The following CMTM8 variants were observed in gnomAD, a reference collection of about 807,000 sequenced individuals.
CMTM8 encodes CKLF-like MARVEL transmembrane domain-containing protein 8.
A neutral mutation model predicts 18.6 loss-of-function variants in CMTM8; 12 were observed. The observed-to-expected ratio is 0.65, with a 90% CI of 0.41 to 1.05. CMTM8 has a LOEUF of 1.05. CMTM8 is among the 50% of genes least tolerant of loss of function. CMTM8 has a pLI of 0.00. For synonymous variants in CMTM8, 87 were observed against 90.6 expected (o/e 0.96, Z 0.23); for missense variants, 217 against 227.2 (o/e 0.95, Z 0.29).
intron 1 of CMTM8, 34 bp from the exon 2 acceptor site, chr3:32,357,339 C>T (rs971906341): frequency 1.3e-6 from 2 of 1,548,764 alleles, no homozygotes; most frequent in Admixed American, 1.7e-5. Flanking sequence ...TTCTACTGTC[C>T]CCTCCTCTCT....
chr3:32,288,779 C>T (rs908254863), intron 1 of CMTM8, among the ~76,000 whole-genome samples: 3 of 152,206 alleles, frequency 2.0e-5, no homozygotes, highest in African/African-American at 4.8e-5. Context: ...GGATTACAGG[C>T]GTGAGCCACT....
At chr3:32,348,603 A>G (rs773336266) in intron 1 of CMTM8, among the ~76,000 whole-genome samples, 7 of 139,646 alleles carry the variant, frequency 5.0e-5, no homozygotes, top group Middle Eastern at 4.2e-3. Context: ...GGCTCAAGCA[A>G]TCCTCCTACC....
intron 2 of CMTM8, among the ~76,000 whole-genome samples, chr3:32,367,076 G>A (rs1697053237): frequency 6.6e-6 from 1 of 152,120 alleles, no homozygotes; most frequent in African/African-American, 2.4e-5. Flanking sequence ...CTGAGGGAAA[G>A]ATGTTAGACC....
chr3:32,343,084 A>G (rs1265923010), intron 1 of CMTM8, among the ~76,000 whole-genome samples: 1 of 152,198 alleles, frequency 6.6e-6, no homozygotes, highest in African/African-American at 2.4e-5. Flanking sequence ...GAAGGAAGGA[A>G]CAGGGAATCA....
intron 1 of CMTM8, among the ~76,000 whole-genome samples, chr3:32,243,093 A>G (rs1272341104): frequency 1.3e-5 from 2 of 150,738 alleles, no homozygotes; most frequent in Non-Finnish European, 3.0e-5. Context: ...GGGTTTCGCC[A>G]TGTTGGCTGG....
At chr3:32,306,389 A>G (rs551264990) in intron 1 of CMTM8, among the ~76,000 whole-genome samples, 4 of 152,346 alleles carry the variant, frequency 2.6e-5, no homozygotes, top group African/African-American at 9.6e-5. Context: ...TCTGGATTCA[A>G]AGTGTGGGGA....
rs1695620492 is a variant in CMTM8 at position 32,370,183 on chromosome 3, G to GTATTAATAGATCA, written c.*223_*224insAGATCATATTAAT. On this transcript the variant is annotated 3_prime_UTR_variant, in exon 4 of 4. Transcript: ENST00000307526. ...ATGAACTCTTAAGTATCTTATTAAT[G>GTATTAATAGATCA]TATTAATGTCTTCATAGATCATATT... The GTATTAATAGATCA allele has an allele frequency of 3.7e-6, 1 of 272,352 alleles. No homozygotes were observed. Among genetic ancestry groups the GTATTAATAGATCA allele is most frequent in the African/African-American group, 2.2e-5 (1 of 45,602 alleles). The allele number at this position is 272,352 out of a possible 1,614,324, so 16.9% of individuals were successfully genotyped here. A position where few individuals can be genotyped will look rare whatever the true frequency, so the allele number is the denominator to read the frequency against.
chr3:32,319,612 T>G (rs920420127), intron 1 of CMTM8, among the ~76,000 whole-genome samples: 2 of 152,214 alleles, frequency 1.3e-5, no homozygotes, highest in African/African-American at 4.8e-5. Context: ...ATTTCCTACA[T>G]GTTAAGTGGT....
intron 1 of CMTM8, among the ~76,000 whole-genome samples, chr3:32,306,505 A>C (rs1695718708): frequency 6.6e-6 from 1 of 152,006 alleles, no homozygotes; most frequent in African/African-American, 2.4e-5. Flanking sequence ...TGCATCCACC[A>C]CCTTTTGCCT....
Position 32,241,260 on chromosome 3 carries a change from T to C in CMTM8, c.147+2141T>C, listed in dbSNP as rs868115971. Among the ~76,000 whole-genome samples the C allele has an allele frequency of 3.9e-5, 6 of 152,320 alleles. No individual in the cohort carries two copies. In the South Asian group the frequency reaches 1.2e-3, roughly 32 times the overall value. ...CTTTCTACTCTGAAAGATGAGGCTTTAGCTGGGATGCCCTCTTCCCTGCCT... is the reference window on the plus strand; with the variant it reads ...CTTTCTACTCTGAAAGATGAGGCTTCAGCTGGGATGCCCTCTTCCCTGCCT... On this transcript the variant is annotated intron_variant, in intron 1 of 3. Transcript: ENST00000307526.
rs553927174 is a variant in CMTM8, at chr3:32,348,326, C to G, written c.148-9047C>G. On this transcript the variant is annotated intron_variant, in intron 1 of 3. Transcript: ENST00000307526. ...TTTGTTCTCTGGTGGTTTAAAGAAC[C>G]TTCTCTTTGTACCTGATGATCTGAA... Among the ~76,000 whole-genome samples, 85 of 152,130 alleles carry G rather than the reference C, an allele frequency of 5.6e-4. No homozygotes were observed. In the South Asian group the frequency reaches 0.017, roughly 30 times the overall value.
chr3:32,238,596 G>A (rs566282822), upstream of CMTM8: 3 of 161,128 alleles, frequency 1.9e-5, no homozygotes, highest in East Asian at 1.8e-4. Context: ...TGAAGAGGGC[G>A]GGCGTCCGCG....
In CMTM8 at chr3:32,279,894, C is replaced by T. The variant is rs562966411; in HGVS notation, c.147+40775C>T. ...TTCTAACTGGTGTGAGATGATATCT[C>T]ATAGTGGTTTTGATTTGCATTTCTC... On this transcript the variant is annotated intron_variant, in intron 1 of 3. Coordinates refer to ENST00000307526, the MANE Select transcript of CMTM8 (RefSeq NM_178868.5). 4.1e-3 allele frequency among the ~76,000 whole-genome samples: 609 copies of T among 148,876 alleles called. 7 individuals are homozygous for T. Among genetic ancestry groups the T allele is most frequent in the African/African-American group, 0.014 (578 of 40,180 alleles).
rs1316601638 is a variant in CMTM8 at position 32,351,275 on chromosome 3, C to T, written c.148-6098C>T. ...AAAAAATAAAATTTGCCTTTCTTTA[C>T]CCCATATATAGAACTCAATGCTAGT... is the stretch of plus-strand genomic sequence containing the variant. On this transcript the variant is annotated intron_variant, in intron 1 of 3. Coordinates refer to ENST00000307526, the MANE Select transcript of CMTM8 (RefSeq NM_178868.5). Among the ~76,000 whole-genome samples, 4 of 152,132 alleles carry T rather than the reference C, an allele frequency of 2.6e-5. No individual in the cohort carries two copies. The East Asian group carries it at 5.8e-4, about 22-fold the overall frequency.
At chr3:32,359,124 A>G (rs894058754) in intron 2 of CMTM8, among the ~76,000 whole-genome samples, 3 of 152,178 alleles carry the variant, frequency 2.0e-5, no homozygotes, top group African/African-American at 7.2e-5. Flanking sequence ...CTCAATTTCT[A>G]GTTATGTTAT....
intron 1 of CMTM8, among the ~76,000 whole-genome samples, chr3:32,325,732 G>C (rs1334722946): frequency 6.6e-6 from 1 of 152,186 alleles, no homozygotes; most frequent in Non-Finnish European, 1.5e-5. Context: ...CTCTGTGACA[G>C]TGCTTCTTCC....
intron 1 of CMTM8, among the ~76,000 whole-genome samples, chr3:32,331,987 G>A (rs1423576195): frequency 6.6e-6 from 1 of 151,938 alleles, no homozygotes; most frequent in East Asian, 1.9e-4. Flanking sequence ...ACACTACTGT[G>A]TATTTAAAAA....
At chr3:32,276,684 CG>C (rs1702524164) in intron 1 of CMTM8, among the ~76,000 whole-genome samples, 4 of 152,096 alleles carry the variant, frequency 2.6e-5, no homozygotes, top group Admixed American at 2.6e-4. Context: ...TAACCCGTGT[CG>C]TCAATGGTTC....
intron 1 of CMTM8, among the ~76,000 whole-genome samples, chr3:32,330,448 A>C (rs1236582308): frequency 4.6e-5 from 7 of 151,958 alleles, no homozygotes; most frequent in Admixed American, 4.6e-4. Context: ...TAACCACTGC[A>C]CTCCAGGCTG....
Sources: allele counts gnomAD v4.1 joint callset (sites outside exome capture counted in the v4.1 genomes callset), GRCh38; gene constraint gnomAD v4.1.1; transcripts MANE v1.5; gene names NCBI Gene and HGNC (gene_info 2026-07-23, HGNC 2026-07-21).